MEIS1: variants seen among roughly 807,000 people sequenced by gnomAD.
The protein encoded by MEIS1 is homeobox protein Meis1.
In MEIS1, 5 loss-of-function variants were observed where a neutral mutation model predicts 50.8. That is an observed-to-expected ratio of 0.10 (90% CI 0.05 to 0.21). The LOEUF is 0.21. Ranked by LOEUF, MEIS1 falls within the 10% of genes least tolerant of loss-of-function variation. The pLI, the probability that MEIS1 is intolerant of heterozygous loss-of-function variation, is 1.00. For synonymous variants in MEIS1, 176 were observed against 179.3 expected (o/e 0.98, Z 0.15); for missense variants, 318 against 517.3 (o/e 0.61, Z 3.74).
chr2:66,500,456 G>A (rs941548363), intron 7 of MEIS1, among the ~76,000 whole-genome samples: 2 of 152,070 alleles, frequency 1.3e-5, no homozygotes, highest in East Asian at 1.9e-4. Flanking sequence ...ATGGAGTCTC[G>A]CTCTGTTACC....
At chr2:66,472,195 GA>G (rs1460542958) in intron 7 of MEIS1, among the ~76,000 whole-genome samples, 4 of 152,168 alleles carry the variant, frequency 2.6e-5, no homozygotes, top group Non-Finnish European at 5.9e-5. Context: ...TCTACCCAAG[GA>G]AATAAATAAG....
intron 7 of MEIS1, among the ~76,000 whole-genome samples, chr2:66,476,567 G>T (rs557697048): frequency 6.6e-6 from 1 of 152,312 alleles, no homozygotes; most frequent in African/African-American, 2.4e-5. Flanking sequence ...CATAGGTTAA[G>T]TCTCCCTAGT....
intron 7 of MEIS1, among the ~76,000 whole-genome samples, chr2:66,468,901 A>G (rs896479986): frequency 6.6e-6 from 1 of 152,210 alleles, no homozygotes; most frequent in African/African-American, 2.4e-5. Flanking sequence ...GATATGATTC[A>G]TTGGTATTAT....
chr2:66,473,397 A>AAAAATATATAT, intron 7 of MEIS1, among the ~76,000 whole-genome samples: 4 of 107,596 alleles, frequency 3.7e-5, no homozygotes, highest in African/African-American at 1.7e-4. Context: ...AAAAAAAAAA[A>AAAAATATATAT]ATATATATAT....
chr2:66,521,731 A>C (rs1179536489), intron 8 of MEIS1, among the ~76,000 whole-genome samples: 1 of 152,186 alleles, frequency 6.6e-6, no homozygotes, highest in Admixed American at 6.5e-5. Context: ...TATGAATAGA[A>C]TTTTCAGTGT....
At position 66,435,722 on chromosome 2, in the gene MEIS1, G is replaced by C. The variant is rs372365155; in HGVS notation, c.-135G>C. Reference sequence around the variant, plus strand: ...ACCAGTAGCTCACGTTGCTGGAGACGTTAAGGGATTTTTCGTCGTGCTTTT... The same window carrying C: ...ACCAGTAGCTCACGTTGCTGGAGACCTTAAGGGATTTTTCGTCGTGCTTTT... On this transcript the variant is annotated 5_prime_UTR_variant, in exon 1 of 13. Coordinates refer to ENST00000272369, the MANE Select transcript of MEIS1 (RefSeq NM_002398.3). 7 of 803,286 alleles carry C rather than the reference G, an allele frequency of 8.7e-6. No individual in the cohort carries two copies. The highest frequency in any genetic ancestry group is 1.3e-5 in the Non-Finnish European group (7 of 530,218). 49.8% of individuals were successfully genotyped at this position (803,286 alleles called of 1,614,324 possible). A position where few individuals can be genotyped will look rare whatever the true frequency, so the allele number is the denominator to read the frequency against.
intron 6 of MEIS1, among the ~76,000 whole-genome samples, chr2:66,454,955 G>A (rs908012859): frequency 2.0e-5 from 3 of 151,928 alleles, no homozygotes; most frequent in Admixed American, 2.0e-4. Flanking sequence ...AGTGGATTAG[G>A]GTTTTTTTCA....
chr2:66,490,080 C>T (rs530286645), intron 7 of MEIS1, among the ~76,000 whole-genome samples: 32 of 152,290 alleles, frequency 2.1e-4, no homozygotes, highest in Non-Finnish European at 4.1e-4. Flanking sequence ...TTTAAAATAA[C>T]ACTTTAAAAA....
At chr2:66,535,104 A>T (rs1470220699) in intron 8 of MEIS1, among the ~76,000 whole-genome samples, 1 of 152,180 alleles carries the variant, frequency 6.6e-6, no homozygotes, top group Non-Finnish European at 1.5e-5. Flanking sequence ...TTATTTTATC[A>T]TTAACAAGAT....
intron 2 of MEIS1, among the ~76,000 whole-genome samples, chr2:66,438,691 C>T (rs1034461104): frequency 6.6e-6 from 1 of 152,100 alleles, no homozygotes; most frequent in Non-Finnish European, 1.5e-5. Context: ...TCGATTAGAC[C>T]CTGGGCTAGT....
At chr2:66,522,884 C>T (rs552200953) in intron 8 of MEIS1, among the ~76,000 whole-genome samples, 3 of 152,272 alleles carry the variant, frequency 2.0e-5, no homozygotes, top group South Asian at 2.1e-4. Flanking sequence ...CACAGCAGAG[C>T]TTTTGGATTT....
In MEIS1 at chr2:66,571,537, G is replaced by A. The variant is rs1348406034; in HGVS notation, c.*329G>A. The A allele has an allele frequency of 6.4e-7, 1 of 1,557,442 alleles. No homozygotes were observed. Among genetic ancestry groups the A allele is most frequent in the Admixed American group, 1.9e-5 (1 of 51,292 alleles). ...GACATTCATGCTCAGTAGCTTAAGG[G>A]AATATGCATTGTCTGCAATGGTGAC... On this transcript the variant is annotated 3_prime_UTR_variant, in exon 13 of 13. Coordinates refer to ENST00000272369, the MANE Select transcript of MEIS1 (RefSeq NM_002398.3).
chr2:66,489,249 T>C (rs1673212566), intron 7 of MEIS1, among the ~76,000 whole-genome samples: 1 of 152,210 alleles, frequency 6.6e-6, no homozygotes, highest in South Asian at 2.1e-4. Context: ...AAAAACTGAA[T>C]ATGGCAAACA....
At chr2:66,516,041 A>G (rs373217614) in intron 8 of MEIS1, among the ~76,000 whole-genome samples, 3 of 152,314 alleles carry the variant, frequency 2.0e-5, no homozygotes, top group Non-Finnish European at 4.4e-5. Flanking sequence ...CTTTTGCTGC[A>G]TAGTATTACA....
chr2:66,454,438 C>A (rs911131086), intron 6 of MEIS1, among the ~76,000 whole-genome samples: 5 of 152,000 alleles, frequency 3.3e-5, no homozygotes, highest in Admixed American at 6.6e-5. Flanking sequence ...ACTGCAGACT[C>A]ACTCCTAGGG....
chr2:66,554,652 G>A (rs1675007777), intron 9 of MEIS1, among the ~76,000 whole-genome samples: 1 of 152,204 alleles, frequency 6.6e-6, no homozygotes, highest in Admixed American at 6.5e-5. Flanking sequence ...GGACGAATTA[G>A]TCAGGACTCA....
In MEIS1 at chr2:66,571,627, C is replaced by T. The variant is rs1293755837; in HGVS notation, c.*419C>T. 1 of 1,396,416 alleles carries T rather than the reference C, an allele frequency of 7.2e-7. No individual in the cohort carries two copies. Among genetic ancestry groups the T allele is most frequent in the African/African-American group, 1.5e-5 (1 of 68,792 alleles). The allele number at this position is 1,396,416 out of a possible 1,614,324, so 86.5% of individuals were successfully genotyped here. A position where few individuals can be genotyped will look rare whatever the true frequency, so the allele number is the denominator to read the frequency against. Reference sequence around the variant, plus strand: ...TCCATTCTTGGCATCTACTCTGGACCAAGGAGCATCCCTAATTCTTCATAG... The same window carrying T: ...TCCATTCTTGGCATCTACTCTGGACTAAGGAGCATCCCTAATTCTTCATAG... On this transcript the variant is annotated 3_prime_UTR_variant, in exon 13 of 13. Coordinates refer to ENST00000272369, the MANE Select transcript of MEIS1 (RefSeq NM_002398.3).
At chr2:66,562,297 G>A (rs934307176) in intron 9 of MEIS1, among the ~76,000 whole-genome samples, 6 of 151,228 alleles carry the variant, frequency 4.0e-5, no homozygotes, top group Non-Finnish European at 5.9e-5. Context: ...AAGGACAAAG[G>A]TCAGTTTCAA....
intron 2 of MEIS1, chr2:66,439,288 G>GA (rs1199175106): frequency 9.1e-7 from 1 of 1,094,794 alleles, no homozygotes; most frequent in African/African-American, 1.6e-5. Flanking sequence ...GGCTCTCCGA[G>GA]GGCCTTGGGG....
Sources: allele counts gnomAD v4.1 joint callset (sites outside exome capture counted in the v4.1 genomes callset), GRCh38; gene constraint gnomAD v4.1.1; transcripts MANE v1.5; gene names NCBI Gene and HGNC (gene_info 2026-07-23, HGNC 2026-07-21).